METTL15: variants seen among roughly 807,000 people sequenced by gnomAD.
METTL15 encodes 12S rRNA N(4)-cytidine methyltransferase METTL15.
A neutral mutation model predicts 38.3 loss-of-function variants in METTL15; 34 were observed. That is an observed-to-expected ratio of 0.89 (90% confidence interval 0.68 to 1.18). The LOEUF is 1.18. METTL15 is among the 50% of genes most tolerant of loss of function. The pLI, the probability that METTL15 is intolerant of heterozygous loss-of-function variation, is 0.00. For missense variants in METTL15, 438 were observed against 498.4 expected, an observed-to-expected ratio of 0.88 and a Z score of 1.15; for synonymous variants, 162 against 170.9, an observed-to-expected ratio of 0.95 and a Z score of 0.41.
chr11:28,212,861 A>G (rs1415359850), intron 4 of METTL15, among the ~76,000 whole-genome samples: 4 of 152,216 alleles, frequency 2.6e-5, no homozygotes, highest in Admixed American at 6.5e-5. Flanking sequence ...TCTTAAGGCA[A>G]TGATTCCCAA....
At chr11:28,501,737 G>A (rs779432840) in intron 6 of METTL15, among the ~76,000 whole-genome samples, 7 of 152,144 alleles carry the variant, frequency 4.6e-5, no homozygotes, top group African/African-American at 7.2e-5. Context: ...CATTAGTCCA[G>A]GGAGCAATCC....
chr11:28,397,792 A>T (rs373198381), intron 5 of METTL15, among the ~76,000 whole-genome samples: 1 of 152,190 alleles, frequency 6.6e-6, no homozygotes, highest in Non-Finnish European at 1.5e-5. Context: ...ATGCACATGT[A>T]TGTTTATTGT....
chr11:28,391,510 A>C (rs953689678), intron 5 of METTL15, among the ~76,000 whole-genome samples: 12 of 152,122 alleles, frequency 7.9e-5, no homozygotes, highest in Non-Finnish European at 1.2e-4. Context: ...TTGCCAAGTC[A>C]ATCCTAAGCC....
intron 3 of METTL15, among the ~76,000 whole-genome samples, chr11:28,185,875 T>C (rs928247098): frequency 8.0e-5 from 12 of 149,452 alleles, no homozygotes; most frequent in African/African-American, 2.7e-4. Context: ...TGGGGAGATA[T>C]AATTAATATA....
At chr11:28,138,578 GAGAA>G (rs995506811) in intron 3 of METTL15, among the ~76,000 whole-genome samples, 2 of 152,314 alleles carry the variant, frequency 1.3e-5, no homozygotes, top group East Asian at 1.9e-4. Flanking sequence ...AGGTGGCTCA[GAGAA>G]AGAAAGATTT....
intron 6 of METTL15, among the ~76,000 whole-genome samples, chr11:28,298,297 T>A (rs971657626): frequency 1.4e-4 from 21 of 152,076 alleles, no homozygotes; most frequent in African/African-American, 5.1e-4. Context: ...CTGTCTCCCA[T>A]ATTGGAAAGA....
At chr11:28,293,718 C>T (rs567519287) in intron 5 of METTL15, among the ~76,000 whole-genome samples, 1 of 152,178 alleles carries the variant, frequency 6.6e-6, no homozygotes, top group Non-Finnish European at 1.5e-5. Flanking sequence ...TGTTTGTATC[C>T]TCTTTTATTT....
intron 3 of METTL15, among the ~76,000 whole-genome samples, chr11:28,203,995 T>C (rs567169600): frequency 2.0e-5 from 3 of 152,166 alleles, no homozygotes; most frequent in South Asian, 4.1e-4. Flanking sequence ...CTTTATATGG[T>C]CCTGTGGTAA....
intron 3 of METTL15, among the ~76,000 whole-genome samples, chr11:28,162,168 G>C (rs1418966412): frequency 2.0e-5 from 3 of 152,088 alleles, no homozygotes; most frequent in Non-Finnish European, 4.4e-5. Flanking sequence ...AACTTAGCTA[G>C]TAGTAGAGTT....
intron 3 of METTL15, among the ~76,000 whole-genome samples, chr11:28,161,912 G>A (rs1401536077): frequency 6.6e-6 from 1 of 152,118 alleles, no homozygotes; most frequent in Non-Finnish European, 1.5e-5. Flanking sequence ...GTCACTTACA[G>A]AGCAGGAATT....
chr11:28,159,957 T>G (rs980494589), intron 3 of METTL15, among the ~76,000 whole-genome samples: 1 of 152,122 alleles, frequency 6.6e-6, no homozygotes, highest in Non-Finnish European at 1.5e-5. Context: ...GTTATGTCTA[T>G]GAGAGTATTG....
At chr11:28,242,870 A>T (rs962862504) in intron 4 of METTL15, among the ~76,000 whole-genome samples, 15 of 152,172 alleles carry the variant, frequency 9.9e-5, no homozygotes, top group Non-Finnish European at 1.8e-4. Flanking sequence ...TTAGTGGCAG[A>T]GACCAAATTT....
chr11:28,122,939 T>A (rs890568976), intron 3 of METTL15, among the ~76,000 whole-genome samples: 5 of 152,090 alleles, frequency 3.3e-5, no homozygotes, highest in Non-Finnish European at 7.4e-5. Context: ...GCTTCCAAGG[T>A]AATTAGAAAT....
At chr11:28,262,614 T>C (rs1046547990) in intron 4 of METTL15, among the ~76,000 whole-genome samples, 1 of 152,130 alleles carries the variant, frequency 6.6e-6, no homozygotes, top group Non-Finnish European at 1.5e-5. Context: ...TAAAAATTTC[T>C]CTTCTCACTT....
At chr11:28,266,151 C>T (rs1038188948) in intron 4 of METTL15, among the ~76,000 whole-genome samples, 3 of 152,242 alleles carry the variant, frequency 2.0e-5, no homozygotes, top group Non-Finnish European at 4.4e-5. Context: ...GTCAGTGTGG[C>T]GATTCCTCAG....
At chr11:28,224,136 G>A (rs1423523465) in intron 4 of METTL15, among the ~76,000 whole-genome samples, 3 of 151,852 alleles carry the variant, frequency 2.0e-5, no homozygotes, top group Non-Finnish European at 2.9e-5. Context: ...ACCACTTTAG[G>A]TAATCGGGGT....
At chr11:28,507,436 C>G (rs1851637333) in intron 6 of METTL15, among the ~76,000 whole-genome samples, 2 of 152,046 alleles carry the variant, frequency 1.3e-5, no homozygotes, top group African/African-American at 4.8e-5. Context: ...CAGGCCCCTC[C>G]TCCAACACAG....
At chr11:28,446,401 A>T (rs1048942194) in intron 6 of METTL15, among the ~76,000 whole-genome samples, 2 of 152,032 alleles carry the variant, frequency 1.3e-5, no homozygotes, top group Non-Finnish European at 2.9e-5. Flanking sequence ...TTGATCACTA[A>T]CTTCCTCAAG....
At chr11:28,480,466 A>C (rs902955056) in intron 6 of METTL15, among the ~76,000 whole-genome samples, 1 of 152,136 alleles carries the variant, frequency 6.6e-6, no homozygotes, top group African/African-American at 2.4e-5. Context: ...TTAAACTATA[A>C]ATCTATATAA....
Sources: allele counts gnomAD v4.1 joint callset (sites outside exome capture counted in the v4.1 genomes callset), GRCh38; gene constraint gnomAD v4.1.1; transcripts MANE v1.5; gene names NCBI Gene and HGNC (gene_info 2026-07-23, HGNC 2026-07-21).